ASTN1: variants seen among roughly 807,000 people sequenced by gnomAD.
ASTN1 encodes the protein astrotactin-1.
A neutral mutation model predicts 140.7 loss-of-function variants in ASTN1; 41 were observed. That is an observed-to-expected ratio of 0.29 (90% CI 0.23 to 0.38). ASTN1 has a LOEUF of 0.38. Among genes scored for constraint, ASTN1 ranks in the 10% least tolerant of loss-of-function variants. The probability of loss-of-function intolerance (pLI) is 1.00; values close to 1 mark genes in which losing one functional copy is unlikely to be tolerated. For missense variants in ASTN1, 1,479 were observed against 1,678.8 expected (o/e 0.88, Z 2.08); for synonymous variants, 640 against 652.2 (o/e 0.98, Z 0.29).
In ASTN1 at chr1:177,163,435, G is replaced by C. The variant is rs1415423476; in HGVS notation, c.283+959C>G. On this transcript the variant is annotated intron_variant, in intron 1 of 22. Transcript: ENST00000361833. The stretch of plus-strand genomic sequence containing the variant: ...ACTTGTGGTGCTTTGCAAGATACTA[G>C]AGCAGGACCACAAAACCTTTGCAGC... Among the ~76,000 whole-genome samples, 6 of 152,258 alleles carry C rather than the reference G, an allele frequency of 3.9e-5. No homozygotes were observed. The East Asian group carries it at 1.2e-3, about 29-fold the overall frequency.
intron 8 of ASTN1, among the ~76,000 whole-genome samples, chr1:177,007,806 A>G (rs1675071705): frequency 6.6e-6 from 1 of 152,190 alleles, no homozygotes; most frequent in Admixed American, 6.6e-5. Flanking sequence ...ACAGTTCAGC[A>G]CTAGTTCATC....
At chr1:177,032,008 C>G (rs1676467633) in intron 3 of ASTN1, among the ~76,000 whole-genome samples, 1 of 152,170 alleles carries the variant, frequency 6.6e-6, no homozygotes, top group Non-Finnish European at 1.5e-5. Flanking sequence ...AGAAAACACC[C>G]CAGGCCCAAT....
intron 7 of ASTN1, among the ~76,000 whole-genome samples, chr1:177,022,429 C>T (rs1158476522): frequency 3.3e-5 from 5 of 152,146 alleles, no homozygotes; most frequent in Admixed American, 2.6e-4. Flanking sequence ...CAAAAACAAG[C>T]CATCATAGAG....
intron 13 of ASTN1, among the ~76,000 whole-genome samples, chr1:176,944,598 C>T (rs1010771976): frequency 2.0e-5 from 3 of 152,178 alleles, no homozygotes; most frequent in Non-Finnish European, 2.9e-5. Context: ...CCAAGAAGTT[C>T]CCCTCACCTG....
chr1:177,056,026 G>T (rs1677784837), intron 2 of ASTN1, among the ~76,000 whole-genome samples: 1 of 152,182 alleles, frequency 6.6e-6, no homozygotes, highest in Non-Finnish European at 1.5e-5. Flanking sequence ...CTCTAGGTAT[G>T]AAATGAGGCA....
intron 16 of ASTN1, among the ~76,000 whole-genome samples, chr1:176,911,922 G>A (rs904583238): frequency 1.3e-5 from 2 of 152,178 alleles, no homozygotes; most frequent in African/African-American, 4.8e-5. Flanking sequence ...ACAGACATGA[G>A]AGTGACGCAT....
intron 11 of ASTN1, among the ~76,000 whole-genome samples, chr1:176,953,782 G>A (rs145039616): frequency 1.6e-4 from 25 of 152,288 alleles, no homozygotes; most frequent in Middle Eastern, 3.4e-3. Context: ...AAGGAAGGTC[G>A]TGTGTTCAAT....
At chr1:176,905,270 T>G (rs1571488686) in intron 16 of ASTN1, among the ~76,000 whole-genome samples, 1 of 152,200 alleles carries the variant, frequency 6.6e-6, no homozygotes, top group East Asian at 1.9e-4. Context: ...GTGCCTGATA[T>G]GAGTCTATGC....
intron 8 of ASTN1, among the ~76,000 whole-genome samples, chr1:176,973,787 C>T (rs1673243828): frequency 6.6e-6 from 1 of 152,172 alleles, no homozygotes; most frequent in African/African-American, 2.4e-5. Context: ...GGCCTCCTTC[C>T]AGTAATTAGG....
chr1:177,031,046 T>G, intron 3 of ASTN1, 94 bp from the exon 4 acceptor site: 1 of 1,355,042 alleles, frequency 7.4e-7, no homozygotes, highest in Non-Finnish European at 1.0e-6. Context: ...AGATAAGGTC[T>G]CACAGAATTG....
chr1:176,996,984 C>CA, intron 8 of ASTN1, among the ~76,000 whole-genome samples: 1 of 152,130 alleles, frequency 6.6e-6, no homozygotes, highest in Non-Finnish European at 1.5e-5. Flanking sequence ...CCAATTCAAA[C>CA]AAAAAACAGC....
intron 1 of ASTN1, among the ~76,000 whole-genome samples, chr1:177,138,188 A>C (rs927112218): frequency 2.6e-5 from 4 of 152,166 alleles, no homozygotes; most frequent in African/African-American, 9.7e-5. Context: ...ATCACCTTAA[A>C]AGGCTAAATT....
At position 177,056,854 on chromosome 1, in the gene ASTN1, T is replaced by C. The variant is rs16850704; in HGVS notation, c.471+4224A>G. ...CTGAATATCTGACATGAAGTCATAT[T>C]GAAACCTGGTCTTCTATGGAGTAAA... On this transcript the variant is annotated intron_variant, in intron 2 of 22. Transcript: ENST00000361833. Among the ~76,000 whole-genome samples the C allele has an allele frequency of 8.8e-3, 1,339 of 152,306 alleles. 20 individuals are homozygous for C. The highest frequency in any genetic ancestry group is 0.031 in the African/African-American group (1,278 of 41,572).
At chr1:176,924,852 A>C (rs770960836) in intron 16 of ASTN1, among the ~76,000 whole-genome samples, 3 of 152,250 alleles carry the variant, frequency 2.0e-5, no homozygotes, top group Non-Finnish European at 4.4e-5. Context: ...CCAAAATACT[A>C]TCCAGGTTAG....
intron 20 of ASTN1, among the ~76,000 whole-genome samples, chr1:176,878,101 C>T (rs1230082273): frequency 6.6e-6 from 1 of 152,134 alleles, no homozygotes; most frequent in Admixed American, 6.5e-5. Flanking sequence ...ATTACGGGGG[C>T]CTCACACAGG....
At chr1:177,043,228 C>T (rs1290194509) in intron 2 of ASTN1, among the ~76,000 whole-genome samples, 1 of 152,128 alleles carries the variant, frequency 6.6e-6, no homozygotes, top group Non-Finnish European at 1.5e-5. Context: ...CTCTGTAAGC[C>T]CTGTTCTGGG....
At chr1:177,101,530 C>G (rs76993648) in intron 1 of ASTN1, among the ~76,000 whole-genome samples, 15,634 of 152,118 alleles carry the variant, frequency 0.1, 836 homozygotes, top group Middle Eastern at 0.23. Flanking sequence ...GTTCAAGTTA[C>G]TGGTTTTCCT....
intron 8 of ASTN1, among the ~76,000 whole-genome samples, chr1:176,987,851 C>A (rs752151617): frequency 1.8e-4 from 27 of 152,104 alleles, no homozygotes; most frequent in Non-Finnish European, 2.9e-4. Context: ...CAAGAAGCAG[C>A]TAGGTTTGAG....
intron 1 of ASTN1, among the ~76,000 whole-genome samples, chr1:177,099,827 T>C (rs1455650336): frequency 3.9e-5 from 6 of 152,174 alleles, no homozygotes; most frequent in Admixed American, 3.9e-4. Context: ...ATCAGAGAAG[T>C]GTGAGCATCT....
Sources: gnomAD v4.1 joint callset for allele counts (sites outside exome capture counted in the v4.1 genomes callset) on GRCh38, gnomAD v4.1.1 for gene constraint, MANE v1.5 for transcripts, NCBI Gene and HGNC (gene_info 2026-07-23, HGNC 2026-07-21) for gene names.